Variants in UNC79 observed in about 807,000 individuals in gnomAD.
UNC79 encodes the protein unc-79 subunit of NALCN channel complex.
In UNC79, 37 loss-of-function variants were observed where a neutral mutation model predicts 283.1. The observed-to-expected ratio is 0.13, with a 90% CI of 0.10 to 0.17. The LOEUF is 0.17. Ranked by LOEUF, UNC79 falls within the 10% of genes least tolerant of loss-of-function variation. UNC79 has a pLI of 1.00. For synonymous variants in UNC79, 1,107 were observed against 1,200.2 expected, an observed-to-expected ratio of 0.92 and a Z score of 1.61; for missense variants, 2,272 against 3,211.1, an observed-to-expected ratio of 0.71 and a Z score of 7.07.
chr14:93,617,006 G>A lies in UNC79; in HGVS notation c.4042-116G>A, dbSNP rs1340027928. The A allele has an allele frequency of 3.5e-6, 3 of 868,476 alleles. No homozygotes were observed. Among genetic ancestry groups the A allele is most frequent in the Non-Finnish European group, 5.2e-6 (3 of 580,660 alleles). 53.8% of individuals were successfully genotyped at this position (868,476 alleles called of 1,614,324 possible). On this transcript the variant is annotated intron_variant, in intron 27 of 48. Transcript: ENST00000555664. This position sits in a 1 kb window ranked among gnomAD's most constrained non-coding sequence, Gnocchi z 4.5. ...ACTTTTAATATTCTGTGGGATGCCTGTTAAATATTTTGCCTGTTAAAAATT... is the reference window on the plus strand; with the variant it reads ...ACTTTTAATATTCTGTGGGATGCCTATTAAATATTTTGCCTGTTAAAAATT...
At chr14:93,556,800 A>G (rs2062202100) in intron 14 of UNC79, among the ~76,000 whole-genome samples, 1 of 152,130 alleles carries the variant, frequency 6.6e-6, no homozygotes, top group African/African-American at 2.4e-5. Flanking sequence ...AATTAATATC[A>G]TTTACCATAG....
chr14:93,698,476 GTTTTTT>G (rs71129655), intron 47 of UNC79, among the ~76,000 whole-genome samples: 1,611 of 79,106 alleles, frequency 0.02, 50 homozygotes, highest in African/African-American at 0.061. Flanking sequence ...TTTAGTTTAG[GTTTTTT>G]TTTTTTTTTT....
intron 10 of UNC79, among the ~76,000 whole-genome samples, chr14:93,530,847 G>T (rs138704879): frequency 0.014 from 2,148 of 151,620 alleles, 23 homozygotes; most frequent in Middle Eastern, 0.038. Flanking sequence ...AGGCGGAGCT[G>T]GCAGTGAGCC....
rs1275530181 is a variant in UNC79, at chr14:93,474,069, T to C, written c.144-20T>C. The C allele has an allele frequency of 6.6e-7, 1 of 1,509,502 alleles. No homozygotes were observed. Among genetic ancestry groups the C allele is most frequent in the East Asian group, 2.5e-5 (1 of 40,502 alleles). 93.5% of individuals were successfully genotyped at this position (1,509,502 alleles called of 1,614,324 possible). On this transcript the variant is annotated intron_variant, in intron 2 of 48. Transcript: ENST00000555664. This position sits in a 1 kb window ranked among gnomAD's most constrained non-coding sequence, Gnocchi z 4.1. The stretch of plus-strand genomic sequence containing the variant: ...CTTTGTGTCTTTGTTGTCTCTTTTT[T>C]TTCTTTGTCCCCCCAACAGCATTTT...
chr14:93,549,990 G>T (rs1006031800), intron 14 of UNC79, among the ~76,000 whole-genome samples: 1 of 152,220 alleles, frequency 6.6e-6, no homozygotes, highest in Admixed American at 6.5e-5. Flanking sequence ...AAAAGGATCA[G>T]AAACCAGTTT....
chr14:93,374,331 T>C (rs1054550919), intron 1 of UNC79, among the ~76,000 whole-genome samples: 10 of 152,190 alleles, frequency 6.6e-5, no homozygotes, highest in South Asian at 2.1e-4. Context: ...ACCTGAGGCA[T>C]TGGGGGCTCA....
intron 31 of UNC79, among the ~76,000 whole-genome samples, chr14:93,632,841 C>T (rs563226251): frequency 5.3e-5 from 8 of 151,904 alleles, no homozygotes; most frequent in Non-Finnish European, 1.2e-4. Flanking sequence ...CATGATTGAT[C>T]TAGACTTTGG....
intron 35 of UNC79, among the ~76,000 whole-genome samples, chr14:93,652,464 T>G (rs975534213): frequency 1.3e-5 from 2 of 152,180 alleles, no homozygotes; most frequent in Non-Finnish European, 2.9e-5. Flanking sequence ...TTTGCCCTGT[T>G]TCCCAGGCTG....
exon 25 of UNC79, chr14:93,600,695 G>A (rs2065437204): frequency 1.2e-6 from 2 of 1,613,892 alleles, no homozygotes; most frequent in East Asian, 4.5e-5. Context: ...GGAGTTCTTT[G>A]TCAATAGATT....
At chr14:93,423,062 C>CAAAAAAAAAAAAAAAAAA (rs71129634) in intron 1 of UNC79, among the ~76,000 whole-genome samples, 1 of 77,304 alleles carries the variant, frequency 1.3e-5, no homozygotes, top group Non-Finnish European at 2.4e-5. Context: ...GACTCTGTCT[C>CAAAAAAAAAAAAAAAAAA]AAAAAAAAAA....
At chr14:93,391,569 C>T (rs1390969111) in intron 1 of UNC79, among the ~76,000 whole-genome samples, 1 of 152,140 alleles carries the variant, frequency 6.6e-6, no homozygotes, top group Non-Finnish European at 1.5e-5. Context: ...GTATTTGTAA[C>T]ATATGTAACT....
chr14:93,371,443 C>A (rs184879352), intron 1 of UNC79, among the ~76,000 whole-genome samples: 1 of 151,820 alleles, frequency 6.6e-6, no homozygotes, highest in African/African-American at 2.4e-5. Context: ...AACAAAAAAA[C>A]GCAGAACACA....
intron 30 of UNC79, among the ~76,000 whole-genome samples, chr14:93,630,041 A>G (rs550976538): frequency 2.0e-5 from 3 of 152,372 alleles, no homozygotes; most frequent in Non-Finnish European, 4.4e-5. Flanking sequence ...GGTTAATAAG[A>G]CAATATTATA....
intron 14 of UNC79, among the ~76,000 whole-genome samples, chr14:93,564,485 T>C (rs922381123): frequency 3.3e-5 from 5 of 152,174 alleles, no homozygotes; most frequent in Admixed American, 2.0e-4. Flanking sequence ...ATACCCGATA[T>C]CCTTTGGAGA....
intron 1 of UNC79, among the ~76,000 whole-genome samples, chr14:93,357,574 C>T (rs2139930003): frequency 6.6e-6 from 1 of 150,572 alleles, no homozygotes; most frequent in East Asian, 2.0e-4. Flanking sequence ...ACTCCAAGTT[C>T]TTTAGCTTTG....
At chr14:93,653,234 C>T (rs900659417) in intron 35 of UNC79, among the ~76,000 whole-genome samples, 1 of 152,034 alleles carries the variant, frequency 6.6e-6, no homozygotes, top group Non-Finnish European at 1.5e-5. Context: ...TTGCACCTGT[C>T]AAAGTCCAGC....
intron 4 of UNC79, among the ~76,000 whole-genome samples, chr14:93,485,291 T>C (rs1014754891): frequency 7.3e-5 from 11 of 151,342 alleles, no homozygotes; most frequent in African/African-American, 2.7e-4. Context: ...GAGACAAGAA[T>C]TTCTCTTTTC....
chr14:93,648,202 CTACAGTCAACAGTA>C (rs1484660129), intron 35 of UNC79, among the ~76,000 whole-genome samples: 1 of 152,178 alleles, frequency 6.6e-6, no homozygotes, highest in African/African-American at 2.4e-5. Context: ...GGCATTGCAT[CTACAGTCAACAGTA>C]ATGTATTGTA....
intron 23 of UNC79, among the ~76,000 whole-genome samples, chr14:93,595,376 C>T (rs2065000852): frequency 6.6e-6 from 1 of 152,126 alleles, no homozygotes; most frequent in Admixed American, 6.6e-5. Context: ...AGGCATGAGC[C>T]ACCGTACCCG....
Sources: allele counts gnomAD v4.1 joint callset (sites outside exome capture counted in the v4.1 genomes callset), GRCh38; gene constraint gnomAD v4.1.1; non-coding constraint Gnocchi (gnomAD v3.1); transcripts MANE v1.5; gene names NCBI Gene and HGNC (gene_info 2026-07-23, HGNC 2026-07-21).